Variants in SRFBP1 observed in about 807,000 individuals in gnomAD.
SRFBP1 encodes serum response factor binding protein 1, also known as serum response factor-binding protein 1.
Under a neutral mutation model 45.5 loss-of-function variants are expected in SRFBP1, and 47 were observed. The ratio of observed to expected loss-of-function variants is 1.03; its 90% CI spans 0.82 to 1.32. The LOEUF is 1.32. SRFBP1 is among the 40% of genes most tolerant of loss of function. The pLI is 0.00. For synonymous variants in SRFBP1, 203 were observed against 166.3 expected (o/e 1.22, Z -1.70); for missense variants, 621 against 484.6 (o/e 1.28, Z -2.64).
intron 2 of SRFBP1, among the ~76,000 whole-genome samples, chr5:122,052,866 G>A (rs149293317): frequency 6.5e-4 from 99 of 152,234 alleles, no homozygotes; most frequent in African/African-American, 2.0e-3. Flanking sequence ...CATTTGTATG[G>A]GCTGATGTTC....
intron 3 of SRFBP1, among the ~76,000 whole-genome samples, chr5:121,980,084 G>T (rs1471800013): frequency 6.6e-6 from 1 of 152,050 alleles, no homozygotes; most frequent in African/African-American, 2.4e-5. Context: ...TTTCCTCCTG[G>T]TAAAGGAAGT....
rs539546273 is a variant in SRFBP1 at position 122,027,157 on chromosome 5, T to TA, written c.*42dup. The TA allele has an allele frequency of 0.016, 19,754 of 1,228,668 alleles. 22 individuals carry two copies. The highest frequency in any genetic ancestry group is 0.058 in the South Asian group (3,682 of 63,982). 76.1% of individuals were successfully genotyped at this position (1,228,668 alleles called of 1,614,324 possible). On this transcript the variant is annotated 3_prime_UTR_variant, in exon 8 of 8. Transcript: ENST00000339397. ...GCCTCTTTCTGCAAACTTTTCCATC[T>TA]AAAAAAAAAAATGTTTTTTTTAAGA...
chr5:122,027,879 ATTTGT>A lies in SRFBP1; in HGVS notation c.*757_*761del, dbSNP rs1753519901. On this transcript the variant is annotated 3_prime_UTR_variant, in exon 8 of 8. Transcript: ENST00000339397. ...TTTAAATATAGCAATACAACCAATA[ATTTGT>A]TTTATGTTTCACTGCATATAAATAT... The A allele has an allele frequency of 6.6e-6, 1 of 152,172 alleles. No individual in the cohort carries two copies. Among genetic ancestry groups the A allele is most frequent in the Admixed American group, 6.5e-5 (1 of 15,278 alleles). The allele number at this position is 152,172 out of a possible 1,614,324, so 9.4% of individuals were successfully genotyped here. A position where few individuals can be genotyped will look rare whatever the true frequency, so the allele number is the denominator to read the frequency against.
intron 3 of SRFBP1, among the ~76,000 whole-genome samples, chr5:121,976,757 T>C (rs931656102): frequency 4.0e-5 from 6 of 149,714 alleles, no homozygotes; most frequent in African/African-American, 7.4e-5. Context: ...ATATATAATA[T>C]ATATATGTGC....
intron 2 of SRFBP1, among the ~76,000 whole-genome samples, chr5:121,974,987 A>G (rs1481859376): frequency 2.0e-5 from 3 of 151,952 alleles, no homozygotes; most frequent in African/African-American, 4.8e-5. Flanking sequence ...GTAAATTATG[A>G]CATTTATATT....
chr5:122,020,038 G>A (rs1388328740), intron 5 of SRFBP1, 50 bp from the exon 6 acceptor site: 1 of 1,302,192 alleles, frequency 7.7e-7, no homozygotes, highest in African/African-American at 1.5e-5. Context: ...AAACAGTCAT[G>A]TTTTATATGT....
chr5:122,048,618 T>A (rs1753908321), intron 2 of SRFBP1, among the ~76,000 whole-genome samples: 1 of 152,208 alleles, frequency 6.6e-6, no homozygotes, highest in South Asian at 2.1e-4. Context: ...TCAGAAGGAA[T>A]GGTACCAGCT....
intron 2 of SRFBP1, among the ~76,000 whole-genome samples, chr5:122,068,174 T>TAA (rs10650287): frequency 0.11 from 12,412 of 115,680 alleles, 782 homozygotes; most frequent in Admixed American, 0.14. Context: ...TAATAACTAG[T>TAA]AAAAAAAAAA....
At chr5:121,981,920 A>G (rs945893844) in intron 3 of SRFBP1, among the ~76,000 whole-genome samples, 4 of 151,882 alleles carry the variant, frequency 2.6e-5, no homozygotes, top group Non-Finnish European at 4.4e-5. Context: ...TGTCTGATAC[A>G]TAGTGAACGC....
chr5:122,002,043 T>C (rs1221193187), intron 4 of SRFBP1, among the ~76,000 whole-genome samples: 1 of 152,224 alleles, frequency 6.6e-6, no homozygotes, highest in East Asian at 1.9e-4. Context: ...TAAAATTGAA[T>C]TATTTATTAA....
intron 4 of SRFBP1, among the ~76,000 whole-genome samples, chr5:122,003,994 G>T (rs1259185879): frequency 6.6e-6 from 1 of 152,052 alleles, no homozygotes; most frequent in African/African-American, 2.4e-5. Flanking sequence ...GAGTGCAGTG[G>T]CAGGATCTCA....
downstream of SRFBP1, among the ~76,000 whole-genome samples, chr5:122,078,788 A>G (rs1246854622): frequency 1.3e-5 from 2 of 152,212 alleles, no homozygotes; most frequent in South Asian, 2.1e-4. Context: ...AGGATATCAA[A>G]TTTTGTTTTT....
At chr5:121,967,113 A>G (rs1406783607) in intron 1 of SRFBP1, among the ~76,000 whole-genome samples, 1 of 152,024 alleles carries the variant, frequency 6.6e-6, no homozygotes, top group Admixed American at 6.5e-5. Context: ...TTTGATAGCA[A>G]ATTACCATTA....
intron 4 of SRFBP1, among the ~76,000 whole-genome samples, chr5:122,009,745 G>A (rs1753051035): frequency 6.6e-6 from 1 of 152,234 alleles, no homozygotes; most frequent in Non-Finnish European, 1.5e-5. Context: ...ATTCTTGCAA[G>A]CAAGTCAAGT....
intron 2 of SRFBP1, among the ~76,000 whole-genome samples, chr5:122,060,272 G>C (rs531851169): frequency 5.3e-5 from 8 of 151,978 alleles, no homozygotes; most frequent in Non-Finnish European, 8.8e-5. Context: ...ATTTTGAGTT[G>C]GATTGTGTAG....
chr5:121,997,362 A>G (rs1752751367), intron 4 of SRFBP1, among the ~76,000 whole-genome samples: 3 of 150,652 alleles, frequency 2.0e-5, no homozygotes, highest in Admixed American at 6.6e-5. Context: ...ATAACGCCGC[A>G]TACCTATAAC....
chr5:121,986,934 T>C (rs2112830592), intron 3 of SRFBP1, among the ~76,000 whole-genome samples: 1 of 152,240 alleles, frequency 6.6e-6, no homozygotes, highest in African/African-American at 2.4e-5. Context: ...GAACTGAATG[T>C]TAAACATGGA....
intron 4 of SRFBP1, among the ~76,000 whole-genome samples, chr5:122,006,607 C>G (rs1480673576): frequency 2.0e-5 from 3 of 151,920 alleles, no homozygotes; most frequent in Non-Finnish European, 4.4e-5. Flanking sequence ...TCTAATTTCT[C>G]TCTTCTGACT....
chr5:121,988,204 A>T (rs1468480709), intron 3 of SRFBP1, among the ~76,000 whole-genome samples: 3 of 152,194 alleles, frequency 2.0e-5, no homozygotes, highest in Admixed American at 6.5e-5. Flanking sequence ...CTGACAACAG[A>T]ATATAGCCAC....
Sources: gnomAD v4.1 joint callset for allele counts (sites outside exome capture counted in the v4.1 genomes callset) on GRCh38, gnomAD v4.1.1 for gene constraint, MANE v1.5 for transcripts, NCBI Gene and HGNC (gene_info 2026-07-23, HGNC 2026-07-21) for gene names.